IL5RA: variants seen among roughly 807,000 people sequenced by gnomAD.
The protein encoded by IL5RA is interleukin 5 receptor subunit alpha, also known as interleukin-5 receptor subunit alpha.
A neutral mutation model predicts 50.0 loss-of-function variants in IL5RA; 49 were observed. The ratio of observed to expected loss-of-function variants is 0.98; its 90% CI spans 0.78 to 1.24. The LOEUF (loss-of-function observed/expected upper bound fraction) is 1.24, where lower values mean the gene tolerates loss of function less well. Ranked by LOEUF, IL5RA falls within the 50% of genes most tolerant of loss-of-function variation. The probability of loss-of-function intolerance (pLI) is 0.00; values close to 1 mark genes in which losing one functional copy is unlikely to be tolerated. For synonymous variants in IL5RA, 202 were observed against 174.0 expected, an observed-to-expected ratio of 1.16 and a Z score of -1.26; for missense variants, 600 against 500.4, an observed-to-expected ratio of 1.20 and a Z score of -1.90.
chr3:3,081,034 A>G (rs1702647146), intron 9 of IL5RA, among the ~76,000 whole-genome samples: 1 of 152,088 alleles, frequency 6.6e-6, no homozygotes, highest in African/African-American at 2.4e-5. Context: ...TTTTTTTGAA[A>G]TATACTTATG....
At position 3,104,968 on chromosome 3, in the gene IL5RA, T is replaced by C; in HGVS notation, c.17A>G (p.His6Arg). 1.2e-6 allele frequency: 2 copies of C among 1,611,992 alleles called. No homozygotes were observed. Among genetic ancestry groups the C allele is most frequent in the Non-Finnish European group, 1.7e-6 (2 of 1,178,310 alleles). Reference protein sequence around the residue: MIIVAHVLLILLGATE... With the variant: MIIVARVLLILLGATE... ...GGCCCCCAAAAGGATGAGTAATACA[T>C]GCGCCACGATGATCATATCCTACAG... is the stretch of plus-strand genomic sequence containing the variant. The change falls in exon 3 of 12, where the codon CAT (histidine) becomes CGT (arginine). Residue 6 changes from histidine (H) to arginine (R), a missense_variant. His to Arg is a conservative substitution (Grantham distance 29). Coordinates refer to ENST00000446632, the MANE Select transcript of IL5RA (RefSeq NM_175726.4).
chr3:3,068,611 A>G lies in IL5RA; in HGVS notation c.*1614T>C. On this transcript the variant is annotated 3_prime_UTR_variant, in exon 12 of 12. Transcript: ENST00000446632. ...ACAAAAAAAAAAAAAAAAAAAAACA[A>G]AAACAGGTTTGAGATTATGAATCAT... 7.9e-6 allele frequency: 1 copy of G among 125,950 alleles called. No individual in the cohort carries two copies. The highest frequency in any genetic ancestry group is 2.6e-4 in the South Asian group (1 of 3,890). 7.8% of individuals were successfully genotyped at this position (125,950 alleles called of 1,614,324 possible).
Position 3,097,946 on chromosome 3 carries a change from A to C in IL5RA, c.633T>G (p.Leu211=). The C allele has an allele frequency of 6.2e-7, 1 of 1,614,234 alleles. No homozygotes were observed. Among genetic ancestry groups the C allele is most frequent in the Non-Finnish European group, 8.5e-7 (1 of 1,180,038 alleles). Residue 211 remains leucine, a synonymous_variant, in exon 7 of 12, where the codon CTT becomes CTG. Transcript: ENST00000446632. The part of the protein sequence containing the change: ...TFILSKGRDW[L]AVLVNGSSKH... ...TGCTGGAGCCGTTAACAAGCACCGCAAGCCAGTCACGCCCTTTGCTGAGGA... is the reference window on the plus strand; with the variant it reads ...TGCTGGAGCCGTTAACAAGCACCGCCAGCCAGTCACGCCCTTTGCTGAGGA...
At chr3:3,102,904 C>A in intron 3 of IL5RA, 84 bp from the exon 4 acceptor site, 1 of 1,125,058 alleles carries the variant, frequency 8.9e-7, no homozygotes. Flanking sequence ...TATTTATTGC[C>A]CTGCAGATGC....
At chr3:3,102,572 C>T in intron 4 of IL5RA, 103 bp downstream of exon 4, 1 of 758,266 alleles carries the variant, frequency 1.3e-6, no homozygotes. Flanking sequence ...TAGAGCCTGT[C>T]AGTAATTTTA....
intron 2 of IL5RA, among the ~76,000 whole-genome samples, chr3:3,106,457 C>T (rs1156665573): frequency 6.6e-6 from 1 of 152,038 alleles, no homozygotes; most frequent in Non-Finnish European, 1.5e-5. Flanking sequence ...CACTCAATTC[C>T]TTGTCAAATA....
In IL5RA at chr3:3,092,801, A is replaced by G. The variant is rs1703185945; in HGVS notation, c.856-439T>C. On this transcript the variant is annotated intron_variant, in intron 8 of 11. Coordinates refer to ENST00000446632, the MANE Select transcript of IL5RA (RefSeq NM_175726.4). This position sits in a 1 kb window ranked among gnomAD's most constrained non-coding sequence, Gnocchi z 4.2. ...ATGAGCCCTTCTTCTTTTTCCTTCT[A>G]CTGATCATGGTCGCCACCATCCAGC... is the stretch of plus-strand genomic sequence containing the variant. Among the ~76,000 whole-genome samples, 2 of 152,070 alleles carry G rather than the reference A, an allele frequency of 1.3e-5. No homozygotes were observed. Among genetic ancestry groups the G allele is most frequent in the Non-Finnish European group, 2.9e-5 (2 of 68,018 alleles).
At position 3,102,830 on chromosome 3, in the gene IL5RA, C is replaced by A. The variant is rs890006087; in HGVS notation, c.83-10G>T. On this transcript the variant is annotated splice_polypyrimidine_tract_variant and intron_variant, in intron 3 of 11. Coordinates refer to ENST00000446632, the MANE Select transcript of IL5RA (RefSeq NM_175726.4). The stretch of plus-strand genomic sequence containing the variant: ...GGTGGGAGAAGTGAAACTGTTGATT[C>A]AAAGAATAAAGAAACAACACAATGT... 17 of 1,593,484 alleles carry A rather than the reference C, an allele frequency of 1.1e-5. No homozygotes were observed. Among genetic ancestry groups the A allele is most frequent in the Non-Finnish European group, 1.4e-5 (17 of 1,173,560 alleles).
At chr3:3,091,651 G>A (rs1213540226) in intron 9 of IL5RA, among the ~76,000 whole-genome samples, 1 of 152,150 alleles carries the variant, frequency 6.6e-6, no homozygotes, top group African/African-American at 2.4e-5. Context: ...AGAATCGCTC[G>A]AACCCAGGAG....
chr3:3,086,127 G>C (rs1702850904), intron 9 of IL5RA, among the ~76,000 whole-genome samples: 1 of 152,180 alleles, frequency 6.6e-6, no homozygotes, highest in Non-Finnish European at 1.5e-5. Flanking sequence ...ATTGTAGTCT[G>C]TCACAGAAGA....
At chr3:3,103,328 G>A (rs1244130497) in intron 3 of IL5RA, among the ~76,000 whole-genome samples, 1 of 152,258 alleles carries the variant, frequency 6.6e-6, no homozygotes, top group South Asian at 2.1e-4. Context: ...CAAACTGAGA[G>A]TCATTATCCA....
At chr3:3,106,309 C>A (rs1426626510) in intron 2 of IL5RA, among the ~76,000 whole-genome samples, 3 of 152,110 alleles carry the variant, frequency 2.0e-5, no homozygotes, top group Admixed American at 6.6e-5. Context: ...TAAATGAATA[C>A]CTCCAGGAAA....
chr3:3,076,723 G>C (rs958013427), intron 9 of IL5RA, 96 bp from the exon 10 acceptor site: 1 of 715,932 alleles, frequency 1.4e-6, no homozygotes, highest in East Asian at 2.8e-5. Flanking sequence ...AGACAGCTCA[G>C]GTTTGAGTTG....
At position 3,070,575 on chromosome 3, in the gene IL5RA, C is replaced by CTTTTTTTTTTTTTTTTTTTTTTTT. The variant is rs71058670; in HGVS notation, c.1177-288_1177-265dup. Among the ~76,000 whole-genome samples the CTTTTTTTTTTTTTTTTTTTTTTTT allele has an allele frequency of 2.4e-5, 2 of 84,902 alleles. 1 individual carries two copies. Among genetic ancestry groups the CTTTTTTTTTTTTTTTTTTTTTTTT allele is most frequent in the African/African-American group, 1.1e-4 (2 of 18,436 alleles). 55.7% of individuals were successfully genotyped at this position (84,902 alleles called of 152,430 possible). A position where few individuals can be genotyped will look rare whatever the true frequency, so the allele number is the denominator to read the frequency against. ...TACTTGAAGTCATATGGATACACAT[C>CTTTTTTTTTTTTTTTTTTTTTTTT]TTTTTTTTTTTTTTTTTTTTTTTTT... On this transcript the variant is annotated intron_variant, in intron 11 of 11. Transcript: ENST00000446632.
rs1177397894 is a variant in IL5RA at position 3,092,543 on chromosome 3, A to G, written c.856-181T>C. Among the ~76,000 whole-genome samples, 1 of 152,116 alleles carries G rather than the reference A, an allele frequency of 6.6e-6. No individual in the cohort carries two copies. The highest frequency in any genetic ancestry group is 2.4e-5 in the African/African-American group (1 of 41,412). On this transcript the variant is annotated intron_variant, in intron 8 of 11. Transcript: ENST00000446632. This position sits in a 1 kb window ranked among gnomAD's most constrained non-coding sequence, Gnocchi z 4.2. ...CGTTAGTGTGGATGTGTTGGCAGTC[A>G]CCCTTCAGTGGAACGCTATCTTGTA...
In IL5RA at chr3:3,102,781, G is replaced by C; in HGVS notation, c.122C>G (p.Thr41Ser). Residue 41 changes from threonine (T) to serine (S), a missense_variant, in exon 4 of 12, where the codon ACT becomes AGT. By Grantham distance (58) the Thr-to-Ser change is moderately conservative. Transcript: ENST00000446632. The part of the protein sequence containing the change: ...LPPVNFTIKV[T>S]GLAQVLLQWK... ...TTGTAAAAGAACTTGAGCCAAACCA[G>C]TAACTTTAATGGTGAAATTGACAGG... 1 of 1,611,202 alleles carries C rather than the reference G, an allele frequency of 6.2e-7. No homozygotes were observed. Among genetic ancestry groups the C allele is most frequent in the Non-Finnish European group, 8.5e-7 (1 of 1,178,224 alleles).
Position 3,069,321 on chromosome 3 carries a change from C to T in IL5RA, c.*904G>A, listed in dbSNP as rs1393577836. 6.6e-6 allele frequency: 1 copy of T among 152,196 alleles called. No homozygotes were observed. The highest frequency in any genetic ancestry group is 1.5e-5 in the Non-Finnish European group (1 of 68,030). The allele number at this position is 152,196 out of a possible 1,614,324, so 9.4% of individuals were successfully genotyped here. Reference sequence around the variant, plus strand: ...ATTTGATGGAATGGCCTTGTAGAAACTTTTCCAAACTTGAGAGACTAGGAT... The same window carrying T: ...ATTTGATGGAATGGCCTTGTAGAAATTTTTCCAAACTTGAGAGACTAGGAT... On this transcript the variant is annotated 3_prime_UTR_variant, in exon 12 of 12. Transcript: ENST00000446632.
intron 9 of IL5RA, among the ~76,000 whole-genome samples, chr3:3,078,614 A>G (rs1702563606): frequency 6.6e-6 from 1 of 152,132 alleles, no homozygotes; most frequent in African/African-American, 2.4e-5. Context: ...CGGGTGGATC[A>G]CTTGAGGTCA....
chr3:3,102,925 C>G (rs1311230662), intron 3 of IL5RA, 105 bp from the exon 4 acceptor site: 10 of 829,316 alleles, frequency 1.2e-5, no homozygotes, highest in Non-Finnish European at 9.1e-6. Flanking sequence ...TGTCCTGGAC[C>G]TGCCAGCACC....
Sources: allele counts gnomAD v4.1 joint callset (sites outside exome capture counted in the v4.1 genomes callset), GRCh38; gene constraint gnomAD v4.1.1; non-coding constraint Gnocchi (gnomAD v3.1); transcripts MANE v1.5; gene names NCBI Gene and HGNC (gene_info 2026-07-23, HGNC 2026-07-21).